The following AKR1C2 variants were observed in gnomAD, a reference collection of about 807,000 sequenced individuals.
AKR1C2 encodes the protein 3-alpha-HSD3.
AKR1C2 carries 27 observed loss-of-function variants against 39.8 expected under a neutral mutation model. The ratio of observed to expected loss-of-function variants is 0.68; its 90% CI spans 0.50 to 0.93. The LOEUF (loss-of-function observed/expected upper bound fraction) is 0.93, where lower values mean the gene tolerates loss of function less well. Among genes scored for constraint, AKR1C2 ranks in the 40% least tolerant of loss-of-function variants. The pLI is 0.00. For synonymous variants in AKR1C2, 114 were observed against 137.9 expected (o/e 0.83, Z 1.22); for missense variants, 263 against 365.1 (o/e 0.72, Z 2.28).
Position 4,999,424 on chromosome 10 carries a change from A to G in AKR1C2, c.370-147T>C, listed in dbSNP as rs1181339374. Reference sequence around the variant, plus strand: ...GTGGTATGTACAAAGTGTACTACATATGAAGGTATAAGGAATGTCTTCAGG... The same window carrying G: ...GTGGTATGTACAAAGTGTACTACATGTGAAGGTATAAGGAATGTCTTCAGG... On this transcript the variant is annotated intron_variant, in intron 3 of 8. Coordinates refer to ENST00000380753, the MANE Select transcript of AKR1C2 (RefSeq NM_001393392.1). 3 of 1,562,470 alleles carry G rather than the reference A, an allele frequency of 1.9e-6. No individual in the cohort carries two copies. The East Asian group carries it at 6.9e-5, about 36-fold the overall frequency.
At chr10:5,001,449 G>A (rs1837269484) in intron 2 of AKR1C2, 65 bp downstream of exon 2, 1 of 1,559,944 alleles carries the variant, frequency 6.4e-7, no homozygotes, top group Non-Finnish European at 8.7e-7. Flanking sequence ...TCCAGTCATA[G>A]AACTGCCACC....
chr10:5,001,774 C>T, intron 1 of AKR1C2, 93 bp from the exon 2 acceptor site: 1 of 1,550,264 alleles, frequency 6.5e-7, no homozygotes, highest in Non-Finnish European at 8.8e-7. Flanking sequence ...TCAGCTTTTC[C>T]TCCTTTCTTG....
At chr10:4,995,986 T>C (rs1304236480) in intron 5 of AKR1C2, 121 bp from the exon 6 acceptor site, 2 of 1,090,726 alleles carry the variant, frequency 1.8e-6, no homozygotes, top group Non-Finnish European at 2.5e-6. Context: ...AATATTATTG[T>C]CAAAAATGAT....
At chr10:4,993,817 A>G (rs782337732) in intron 7 of AKR1C2, among the ~76,000 whole-genome samples, 1 of 151,524 alleles carries the variant, frequency 6.6e-6, no homozygotes, top group African/African-American at 2.4e-5. Flanking sequence ...TATGTCATAT[A>G]TCATATATAT....
At chr10:5,017,051 G>T (rs1286163265) in intron 1 of AKR1C2, among the ~76,000 whole-genome samples, 3 of 152,188 alleles carry the variant, frequency 2.0e-5, no homozygotes, top group Non-Finnish European at 4.4e-5. Flanking sequence ...AGGACCCTGG[G>T]CTTGGCCCAT....
intron 2 of AKR1C2, 26 bp from the exon 3 acceptor site, chr10:5,000,692 G>A: frequency 1.3e-6 from 2 of 1,595,892 alleles, no homozygotes; most frequent in Non-Finnish European, 1.7e-6. Context: ...AAACGAAGTT[G>A]TGTAATGAAA....
rs147055945 is a variant in AKR1C2, at chr10:4,990,013, A to G, written c.955T>C (p.Phe319Leu). Residue 319 changes from phenylalanine to leucine, a missense_variant, in exon 9 of 9, where the codon TTT (phenylalanine) becomes CTT (leucine). Transcript: ENST00000380753. ...CCTCCATGTTAATATTCATCAGAAAATGGATAATTAGGGGGGCCAGCAAAA... is the reference window on the plus strand; with the variant it reads ...CCTCCATGTTAATATTCATCAGAAAGTGGATAATTAGGGGGGCCAGCAAAA... ...DIFAGPPNYP[F>L]SDEY The G allele has an allele frequency of 6.2e-7, 1 of 1,605,990 alleles. No homozygotes were observed. Among genetic ancestry groups the G allele is most frequent in the Non-Finnish European group, 8.5e-7 (1 of 1,178,100 alleles).
upstream of AKR1C2, among the ~76,000 whole-genome samples, chr10:5,005,352 G>T (rs532554935): frequency 3.9e-5 from 6 of 152,088 alleles, no homozygotes; most frequent in Admixed American, 2.0e-4. Flanking sequence ...CAGTAAAAAA[G>T]ATGTTTATTT....
chr10:4,997,480 G>T (rs1837097627), intron 5 of AKR1C2: 1 of 222,282 alleles, frequency 4.5e-6, no homozygotes, highest in Non-Finnish European at 8.9e-6. Flanking sequence ...AGGTCTCTAG[G>T]GGTCAATTGT....
chr10:4,993,027 G>C (rs1836895855), intron 7 of AKR1C2, among the ~76,000 whole-genome samples: 1 of 152,184 alleles, frequency 6.6e-6, no homozygotes, highest in Non-Finnish European at 1.5e-5. Context: ...TTAATAAGTA[G>C]TGGGATATTC....
At chr10:5,012,192 C>A (rs1452376507) in intron 1 of AKR1C2, among the ~76,000 whole-genome samples, 1 of 151,764 alleles carries the variant, frequency 6.6e-6, no homozygotes, top group Non-Finnish European at 1.5e-5. Context: ...GACCTAGTGG[C>A]TAGTGATATA....
Position 5,013,551 on chromosome 10 carries a change from G to C in AKR1C2, c.-88+4349C>G, listed in dbSNP as rs113034311. On this transcript the variant is annotated intron_variant, in intron 1 of 6. Coordinates refer to the AKR1C2 transcript ENST00000604507. ...CTGGCTTGTCTGAGGATCAGTTCCA[G>C]CAGTTAGTGATTGAAACTGGACACC... The C allele has an allele frequency of 5.5e-3, 1,073 of 194,990 alleles. 15 individuals are homozygous for C. Among genetic ancestry groups the C allele is most frequent in the African/African-American group, 0.024 (1,021 of 43,106 alleles). 12.1% of individuals were successfully genotyped at this position (194,990 alleles called of 1,614,324 possible).
intron 7 of AKR1C2, among the ~76,000 whole-genome samples, 186 bp downstream of exon 7, chr10:4,995,133 A>T (rs5010127): frequency 0.021 from 1,948 of 92,556 alleles, 13 homozygotes; most frequent in East Asian, 0.043. Flanking sequence ...CCATCCTATT[A>T]CTCTCCACCT....
intron 1 of AKR1C2, among the ~76,000 whole-genome samples, chr10:5,014,549 T>C (rs1359619896): frequency 1.3e-5 from 2 of 152,174 alleles, no homozygotes; most frequent in Non-Finnish European, 2.9e-5. Flanking sequence ...TTATCTTGAA[T>C]ACATCCTCTG....
At chr10:4,994,287 A>G (rs1310490015) in intron 7 of AKR1C2, among the ~76,000 whole-genome samples, 1 of 152,122 alleles carries the variant, frequency 6.6e-6, no homozygotes. Context: ...ATTCATATTC[A>G]TACATATAAC....
chr10:5,014,146 A>AATAGG (rs1837582041), intron 1 of AKR1C2, among the ~76,000 whole-genome samples: 1 of 148,550 alleles, frequency 6.7e-6, no homozygotes, highest in Non-Finnish European at 1.5e-5. Flanking sequence ...TTGTGAATAG[A>AATAGG]ATTATTATGA....
chr10:5,008,804 C>T (rs182450557), upstream of AKR1C2, among the ~76,000 whole-genome samples: 366 of 152,290 alleles, frequency 2.4e-3, 1 homozygote, highest in African/African-American at 8.4e-3. Context: ...CAAAGAACTC[C>T]GAATATTTTC....
At chr10:5,007,524 A>G (rs1554774545), upstream of AKR1C2, 2 of 151,274 alleles carry the variant, frequency 1.3e-5, no homozygotes, top group African/African-American at 2.4e-5. Context: ...GAAAATAATT[A>G]CAGATTATGC....
chr10:5,000,664 A>G lies in AKR1C2; in HGVS notation c.255T>C (p.Leu85=). The G allele has an allele frequency of 6.2e-7, 1 of 1,613,078 alleles. No individual in the cohort carries two copies. The highest frequency in any genetic ancestry group is 8.5e-7 in the Non-Finnish European group (1 of 1,179,638). Residue 85 remains leucine (L), a splice_region_variant and synonymous_variant, in exon 3 of 9, where the codon CTT becomes CTC. Transcript: ENST00000380753. Reference sequence around the variant, plus strand: ...ACTCTGGTCGATGGGAATTGCTCCAAAGCTGCAGAGGTTAGAGAAACGAAG... The same window carrying G: ...ACTCTGGTCGATGGGAATTGCTCCAGAGCTGCAGAGGTTAGAGAAACGAAG... ...KREDIFYTSK[L]WSNSHRPELV...
Sources: gnomAD v4.1 joint callset for allele counts (sites outside exome capture counted in the v4.1 genomes callset) on GRCh38, gnomAD v4.1.1 for gene constraint, MANE v1.5 for transcripts, NCBI Gene and HGNC (gene_info 2026-07-23, HGNC 2026-07-21) for gene names.